DSCAM: variants seen among roughly 807,000 people sequenced by gnomAD.
The protein encoded by DSCAM is DS cell adhesion molecule.
A neutral mutation model predicts 217.7 loss-of-function variants in DSCAM; 47 were observed. The observed-to-expected ratio is 0.22, with a 90% CI of 0.17 to 0.28. DSCAM has a LOEUF of 0.28. Among genes scored for constraint, DSCAM ranks in the 10% least tolerant of loss-of-function variants. The probability of loss-of-function intolerance (pLI) is 1.00; values close to 1 mark genes in which losing one functional copy is unlikely to be tolerated. For synonymous variants in DSCAM, 1,056 were observed against 1,015.3 expected, an observed-to-expected ratio of 1.04 and a Z score of -0.76; for missense variants, 2,080 against 2,618.3, an observed-to-expected ratio of 0.79 and a Z score of 4.49.
At chr21:40,721,421 T>C (rs951230439) in intron 1 of DSCAM, among the ~76,000 whole-genome samples, 4 of 151,982 alleles carry the variant, frequency 2.6e-5, no homozygotes, top group Non-Finnish European at 1.5e-5. Context: ...TACAAGACAG[T>C]AGGAAAAAGG....
At chr21:40,039,268 T>G (rs1399664243) in intron 32 of DSCAM, among the ~76,000 whole-genome samples, 1 of 151,142 alleles carries the variant, frequency 6.6e-6, no homozygotes, top group African/African-American at 2.4e-5. Context: ...TTTGAATATG[T>G]GAAGGAAAAA....
chr21:40,577,243 A>T (rs936268283), intron 3 of DSCAM, among the ~76,000 whole-genome samples: 9 of 9,484 alleles, frequency 9.5e-4, no homozygotes, highest in African/African-American at 3.8e-3. Flanking sequence ...AGCTTTATTA[A>T]AAAAAAAAAA....
At chr21:40,295,943 AG>A in intron 10 of DSCAM, 111 bp downstream of exon 10, 1 of 1,303,802 alleles carries the variant, frequency 7.7e-7, no homozygotes, top group South Asian at 1.5e-5. Flanking sequence ...GTGGAAACAG[AG>A]ATACGTATCT....
chr21:40,311,510 A>C (rs1025804868), intron 9 of DSCAM, among the ~76,000 whole-genome samples: 1 of 152,190 alleles, frequency 6.6e-6, no homozygotes. Context: ...AATTTTTTTG[A>C]ATAAGTACTA....
At position 40,011,282 on chromosome 21, in the gene DSCAM, A is replaced by C. The variant is rs2088052703; in HGVS notation, c.*1752T>G. The C allele has an allele frequency of 6.6e-6, 1 of 152,210 alleles. No homozygotes were observed. The highest frequency in any genetic ancestry group is 6.5e-5 in the Admixed American group (1 of 15,288). The allele number at this position is 152,210 out of a possible 1,614,324, so 9.4% of individuals were successfully genotyped here. A position where few individuals can be genotyped will look rare whatever the true frequency, so the allele number is the denominator to read the frequency against. On this transcript the variant is annotated 3_prime_UTR_variant, in exon 33 of 33. Transcript: ENST00000400454. ...GTGGTCTTGACATGGTCCTGGACCC[A>C]TTCTGTGTCACTGAATCTAAGCAGA...
chr21:40,052,142 G>T (rs376002607), intron 29 of DSCAM, 35 bp from the exon 30 acceptor site: 2 of 1,609,028 alleles, frequency 1.2e-6, no homozygotes, highest in Non-Finnish European at 1.7e-6. Context: ...AGCCAAACAC[G>T]TTTATCTCCC....
In DSCAM at chr21:40,480,723, T is replaced by C. The variant is rs140119015; in HGVS notation, c.509-111478A>G. Among the ~76,000 whole-genome samples, 228 of 152,342 alleles carry C rather than the reference T, an allele frequency of 1.5e-3. 1 individual carries two copies. Among genetic ancestry groups the C allele is most frequent in the African/African-American group, 5.4e-3 (224 of 41,574 alleles). ...TAAACAGCGATGTGCCACATGGTTT[T>C]GAGTGCAGAAAGTTTAAGTGACAGT... On this transcript the variant is annotated intron_variant, in intron 3 of 32. Transcript: ENST00000400454.
chr21:40,015,659 A>G (rs950788202), intron 32 of DSCAM, among the ~76,000 whole-genome samples: 1 of 151,856 alleles, frequency 6.6e-6, no homozygotes, highest in Non-Finnish European at 1.5e-5. Flanking sequence ...CTGGTCTCAA[A>G]CTCTTGAACT....
At chr21:40,558,453 G>A (rs377180057) in intron 3 of DSCAM, among the ~76,000 whole-genome samples, 51 of 142,924 alleles carry the variant, frequency 3.6e-4, no homozygotes, top group African/African-American at 2.9e-4. Flanking sequence ...ATCTCAAAAA[G>A]AAAAAAAAAA....
chr21:40,136,062 A>G (rs1231658170), intron 18 of DSCAM, among the ~76,000 whole-genome samples: 4 of 152,192 alleles, frequency 2.6e-5, no homozygotes, highest in Admixed American at 1.3e-4. Context: ...TGGCCCAAAG[A>G]CAGGCCTTTG....
rs2088431319 is a variant in DSCAM, at chr21:40,028,304, G to A, written c.5686+14067C>T. 1.8e-5 allele frequency among the ~76,000 whole-genome samples: 2 copies of A among 108,748 alleles called. 1 individual carries two copies. 71.3% of individuals were successfully genotyped at this position (108,748 alleles called of 152,430 possible). A position where few individuals can be genotyped will look rare whatever the true frequency, so the allele number is the denominator to read the frequency against. On this transcript the variant is annotated intron_variant, in intron 32 of 32. Coordinates refer to ENST00000400454, the MANE Select transcript of DSCAM (RefSeq NM_001389.5). ...GACATTTGAGTCTGCAGAGGTTACT[G>A]CTGTCTTTTTGTTTGTCTGTGCAGC...
At chr21:40,035,565 G>A (rs1490116966) in intron 32 of DSCAM, among the ~76,000 whole-genome samples, 56 of 134,524 alleles carry the variant, frequency 4.2e-4, no homozygotes, top group African/African-American at 1.5e-3. Flanking sequence ...CATTAATAAT[G>A]GGAGACTTTA....
chr21:40,591,903 A>G (rs1342971863), intron 3 of DSCAM, among the ~76,000 whole-genome samples: 2 of 152,222 alleles, frequency 1.3e-5, no homozygotes, highest in Non-Finnish European at 2.9e-5. Flanking sequence ...CATAGAAACT[A>G]CATTATCTGC....
rs550469074 is a variant in DSCAM, at chr21:40,582,346, G to A, written c.508+110464C>T. On this transcript the variant is annotated intron_variant, in intron 3 of 32. Coordinates refer to ENST00000400454, the MANE Select transcript of DSCAM (RefSeq NM_001389.5). Reference sequence around the variant, plus strand: ...TTTCACGGTGAGTTTCGGTTTGCAGGTTTTTAATTTTCTGTGAGTCCAAAA... The same window carrying A: ...TTTCACGGTGAGTTTCGGTTTGCAGATTTTTAATTTTCTGTGAGTCCAAAA... Among the ~76,000 whole-genome samples the A allele has an allele frequency of 2.6e-5, 4 of 152,196 alleles. No individual in the cohort carries two copies. The South Asian group carries it at 8.3e-4, about 32-fold the overall frequency.
At chr21:40,212,873 G>A (rs1464072326) in intron 11 of DSCAM, among the ~76,000 whole-genome samples, 1 of 152,176 alleles carries the variant, frequency 6.6e-6, no homozygotes, top group East Asian at 1.9e-4. Flanking sequence ...AAAAGGAGAA[G>A]GCACAGAGAC....
chr21:40,575,855 A>G (rs2076845934), intron 3 of DSCAM, among the ~76,000 whole-genome samples: 1 of 152,220 alleles, frequency 6.6e-6, no homozygotes, highest in African/African-American at 2.4e-5. Context: ...GTCACTTCCC[A>G]GAAGAAGACA....
intron 20 of DSCAM, among the ~76,000 whole-genome samples, chr21:40,104,125 C>T (rs1203774536): frequency 6.6e-6 from 1 of 152,102 alleles, no homozygotes; most frequent in Non-Finnish European, 1.5e-5. Flanking sequence ...CCCTTTGCTA[C>T]AATTTTTCCT....
chr21:40,544,292 A>C (rs1366123766), intron 3 of DSCAM, among the ~76,000 whole-genome samples: 1 of 152,200 alleles, frequency 6.6e-6, no homozygotes, highest in Non-Finnish European at 1.5e-5. Context: ...TCACATCGGA[A>C]ACTTCACATG....
At chr21:40,387,117 A>C (rs1951429909) in intron 3 of DSCAM, among the ~76,000 whole-genome samples, 1 of 152,182 alleles carries the variant, frequency 6.6e-6, no homozygotes, top group African/African-American at 2.4e-5. Context: ...TCTAACATTG[A>C]CTTAAATGAA....
Sources: gnomAD v4.1 joint callset for allele counts (sites outside exome capture counted in the v4.1 genomes callset) on GRCh38, gnomAD v4.1.1 for gene constraint, MANE v1.5 for transcripts, NCBI Gene and HGNC (gene_info 2026-07-23, HGNC 2026-07-21) for gene names.